IFI44: variants seen among roughly 807,000 people sequenced by gnomAD.
IFI44 encodes interferon induced protein 44, also known as interferon-induced protein 44.
IFI44 carries 42 observed loss-of-function variants against 45.0 expected under a neutral mutation model. The ratio of observed to expected loss-of-function variants is 0.93; its 90% CI spans 0.73 to 1.21. IFI44 has a LOEUF of 1.21. IFI44 is among the 50% of genes most tolerant of loss of function. IFI44 has a pLI of 0.00. For synonymous variants in IFI44, 221 were observed against 188.6 expected (o/e 1.17, Z -1.41); for missense variants, 623 against 525.8 (o/e 1.18, Z -1.81).
chr1:78,655,942 G>A (rs1229094297), intron 5 of IFI44, among the ~76,000 whole-genome samples: 2 of 152,146 alleles, frequency 1.3e-5, no homozygotes, highest in East Asian at 3.9e-4. Flanking sequence ...ATGGTATTTG[G>A]AGGTAGCGAC....
intron 5 of IFI44, among the ~76,000 whole-genome samples, chr1:78,656,874 C>A (rs1647222571): frequency 6.6e-6 from 1 of 150,472 alleles, no homozygotes; most frequent in Admixed American, 6.6e-5. Context: ...TTTAAATATT[C>A]TTTTTTAAAT....
Position 78,650,232 on chromosome 1 carries a change from A to T in IFI44, c.37A>T (p.Lys13Ter). ...AACTCGTTTGACATGGTTGCACGAA[A>T]AGATCCTGCAAAATCATTTTGGAGG... ...VTTRLTWLHE[K>*]ILQNHFGGKR... is the part of the protein sequence containing the mutation. Residue 13 changes from lysine to a stop codon, truncating the protein, a stop_gained, in exon 2 of 9, where the codon AAG becomes TAG. Transcript: ENST00000370747. LOFTEE classifies it high-confidence loss of function. 2 of 1,607,682 alleles carry T rather than the reference A, an allele frequency of 1.2e-6. No individual in the cohort carries two copies. Among genetic ancestry groups the T allele is most frequent in the Non-Finnish European group, 1.7e-6 (2 of 1,174,572 alleles).
intron 5 of IFI44, among the ~76,000 whole-genome samples, chr1:78,659,071 T>C (rs988754427): frequency 5.9e-5 from 9 of 152,034 alleles, no homozygotes; most frequent in African/African-American, 2.2e-4. Context: ...GCAGACTCAC[T>C]CCTGCTATTT....
chr1:78,655,639 C>CA, intron 5 of IFI44, 128 bp downstream of exon 5: 2 of 814,074 alleles, frequency 2.5e-6, no homozygotes, highest in Non-Finnish European at 3.6e-6. Flanking sequence ...TTTTTTTTTT[C>CA]AAAAAGAATA....
chr1:78,650,282 G>C lies in IFI44; in HGVS notation c.87G>C (p.Lys29Asn). ...GGAAGCGGCTTAGCCTTCTCTATAA[G>C]GGTAGTGTCCATGGATTCCGTAATG... ...FGGKRLSLLY[K>N]GSVHGFRNGV... The change falls in exon 2 of 9, where the codon AAG (lysine) becomes AAC (asparagine). Residue 29 changes from lysine to asparagine, a missense_variant. Coordinates refer to ENST00000370747, the MANE Select transcript of IFI44 (RefSeq NM_006417.5). The C allele has an allele frequency of 6.2e-7, 1 of 1,614,062 alleles. No homozygotes were observed.
chr1:78,660,682 A>G (rs567273614), intron 7 of IFI44, 28 bp downstream of exon 7: 1 of 1,399,888 alleles, frequency 7.1e-7, no homozygotes, highest in African/African-American at 1.4e-5. Flanking sequence ...TCGTAAACAC[A>G]TTTTCTGGGG....
intron 7 of IFI44, among the ~76,000 whole-genome samples, chr1:78,662,191 T>A (rs1647498947): frequency 6.6e-6 from 1 of 152,188 alleles, no homozygotes; most frequent in African/African-American, 2.4e-5. Flanking sequence ...TAGATTTTCT[T>A]AATCAGTCCT....
At chr1:78,650,745 C>A in intron 2 of IFI44, 93 bp downstream of exon 2, 1 of 811,000 alleles carries the variant, frequency 1.2e-6, no homozygotes, top group East Asian at 2.6e-5. Flanking sequence ...ATGAACTTTT[C>A]ACTTGTCAAT....
At chr1:78,650,851 G>A (rs1042885203) in intron 2 of IFI44, among the ~76,000 whole-genome samples, 199 bp downstream of exon 2, 9 of 152,174 alleles carry the variant, frequency 5.9e-5, no homozygotes, top group Non-Finnish European at 8.8e-5. Context: ...AACCCTTAAC[G>A]TAAGATTTAT....
At chr1:78,656,817 A>C (rs1647221216) in intron 5 of IFI44, among the ~76,000 whole-genome samples, 1 of 148,568 alleles carries the variant, frequency 6.7e-6, no homozygotes, top group Admixed American at 6.8e-5. Context: ...TTCATGCAAG[A>C]TTTTTTCATT....
intron 5 of IFI44, among the ~76,000 whole-genome samples, 169 bp downstream of exon 5, chr1:78,655,680 T>A (rs1373877722): frequency 6.6e-6 from 1 of 152,188 alleles, no homozygotes; most frequent in Non-Finnish European, 1.5e-5. Flanking sequence ...CCATCATGGC[T>A]ATCTTAACAG....
intron 7 of IFI44, among the ~76,000 whole-genome samples, chr1:78,662,145 A>T (rs1045933349): frequency 9.9e-5 from 15 of 152,238 alleles, no homozygotes; most frequent in Non-Finnish European, 2.9e-5. Flanking sequence ...GGAGAATGCA[A>T]TGATAGCAAG....
chr1:78,652,992 A>G (rs898468770), intron 2 of IFI44, among the ~76,000 whole-genome samples: 4 of 152,104 alleles, frequency 2.6e-5, no homozygotes, highest in Non-Finnish European at 5.9e-5. Context: ...TTTTTAGATT[A>G]TGTAACTATT....
intron 1 of IFI44, 107 bp downstream of exon 1, chr1:78,650,012 A>G: frequency 2.2e-6 from 1 of 462,536 alleles, no homozygotes; most frequent in Non-Finnish European, 3.8e-6. Flanking sequence ...TTAATTTAAA[A>G]AACAATAATT....
chr1:78,657,223 AGTTT>A (rs1182953789), intron 5 of IFI44, among the ~76,000 whole-genome samples: 2 of 151,990 alleles, frequency 1.3e-5, no homozygotes, highest in African/African-American at 2.4e-5. Context: ...TACATCTTTA[AGTTT>A]GTTTGAAAAA....
chr1:78,656,047 A>G (rs1647203578), intron 5 of IFI44, among the ~76,000 whole-genome samples: 1 of 152,136 alleles, frequency 6.6e-6, no homozygotes, highest in Non-Finnish European at 1.5e-5. Context: ...TGTCATGTGA[A>G]GATAAAGCCT....
At chr1:78,650,721 CTCTT>C in intron 2 of IFI44, 69 bp downstream of exon 2, 1 of 1,036,368 alleles carries the variant, frequency 9.6e-7, no homozygotes, top group Non-Finnish European at 1.4e-6. Context: ...ACCAATTCAT[CTCTT>C]TAAGGAAAAA....
At chr1:78,663,087 G>A in intron 8 of IFI44, 1 of 985,172 alleles carries the variant, frequency 1.0e-6, no homozygotes, top group Non-Finnish European at 1.2e-6. Context: ...TCTGCACTAT[G>A]TTTTTCCCTT....
At position 78,660,673 on chromosome 1, in the gene IFI44, C is replaced by T. The variant is rs746003882; in HGVS notation, c.1113+19C>T. The T allele has an allele frequency of 2.4e-5, 36 of 1,472,074 alleles. No individual in the cohort carries two copies. Among genetic ancestry groups the T allele is most frequent in the Middle Eastern group, 3.4e-4 (2 of 5,830 alleles). 91.2% of individuals were successfully genotyped at this position (1,472,074 alleles called of 1,614,324 possible). On this transcript the variant is annotated intron_variant, in intron 7 of 8. Transcript: ENST00000370747. ...GTCCAAGGTAATGAATGATGCCCTT[C>T]GTAAACACATTTTCTGGGGTATGTT...
Sources: gnomAD v4.1 joint callset for allele counts (sites outside exome capture counted in the v4.1 genomes callset) on GRCh38, gnomAD v4.1.1 for gene constraint, MANE v1.5 for transcripts, NCBI Gene and HGNC (gene_info 2026-07-23, HGNC 2026-07-21) for gene names.